Variants in PHB1 observed in about 807,000 individuals in gnomAD.
The protein encoded by PHB1 is prohibitin 1, also known as epididymis luminal protein 215.
At chr17:49,406,610 T>C in the PHB1 span, 7 of 670,608 alleles carry the variant, frequency 1.0e-5, no homozygotes, top group South Asian at 6.7e-5. Flanking sequence ...CTGGAACCAA[T>C]TGCAGAAGTA....
the PHB1 span, among the ~76,000 whole-genome samples, chr17:49,413,512 C>T: frequency 0.42 from 52,223 of 124,594 alleles, 10,207 homozygotes; most frequent in African/African-American, 0.57. Context: ...CTTTTCTTTC[C>T]TTTTTTTTTT....
chr17:49,409,346 G>A, the PHB1 span: 95 of 1,614,160 alleles, frequency 5.9e-5, 1 homozygote, highest in South Asian at 1.0e-3. Flanking sequence ...CTGACTTGAG[G>A]ATCTCAGTTG....
chr17:49,406,734 T>C, the PHB1 span: 1 of 1,541,632 alleles, frequency 6.5e-7, no homozygotes, highest in Non-Finnish European at 9.0e-7. Flanking sequence ...AGAGAGAGGC[T>C]CCTGCCATCT....
chr17:49,404,798 T>C, the PHB1 span: 68 of 595,574 alleles, frequency 1.1e-4, no homozygotes, highest in African/African-American at 1.1e-3. Context: ...AGTAGATGGA[T>C]GTGAGAAGAA....
At chr17:49,412,528 C>T in the PHB1 span, among the ~76,000 whole-genome samples, 3 of 152,170 alleles carry the variant, frequency 2.0e-5, no homozygotes, top group Non-Finnish European at 4.4e-5. Flanking sequence ...AGCCACACAC[C>T]GGATGGGTCA....
At chr17:49,414,505 C>G in the PHB1 span, among the ~76,000 whole-genome samples, 3 of 152,094 alleles carry the variant, frequency 2.0e-5, no homozygotes, top group African/African-American at 7.2e-5. Context: ...GTTGCCCGCT[C>G]CAGTCTCAAA....
the PHB1 span, among the ~76,000 whole-genome samples, chr17:49,408,282 C>A: frequency 6.6e-6 from 1 of 152,134 alleles, no homozygotes; most frequent in African/African-American, 2.4e-5. Context: ...GCACAGATGC[C>A]GGGGGAGGCA....
the PHB1 span, among the ~76,000 whole-genome samples, chr17:49,413,593 C>T: frequency 6.6e-6 from 1 of 150,558 alleles, no homozygotes; most frequent in African/African-American, 2.4e-5. Context: ...ACTGAAGCCT[C>T]GACCTCCCAG....
chr17:49,406,973 C>T, the PHB1 span: 6 of 719,770 alleles, frequency 8.3e-6, no homozygotes, highest in African/African-American at 1.7e-5. Flanking sequence ...TGGAGGCATC[C>T]GTGAGGCCAG....
the PHB1 span, among the ~76,000 whole-genome samples, chr17:49,411,077 A>T: frequency 6.6e-6 from 1 of 152,132 alleles, no homozygotes; most frequent in African/African-American, 2.4e-5. Context: ...TAATACCTAC[A>T]ACTCCCTGAT....
the PHB1 span, chr17:49,407,112 G>T: frequency 2.2e-6 from 1 of 461,784 alleles, no homozygotes; most frequent in Non-Finnish European, 4.0e-6. Flanking sequence ...ATGGCACCGG[G>T]GGCTTTTGAT....
the PHB1 span, chr17:49,414,644 C>T: frequency 6.6e-6 from 1 of 152,234 alleles, no homozygotes; most frequent in Non-Finnish European, 1.5e-5. Context: ...TGGATTATTC[C>T]TCACCCTGCC....
At chr17:49,413,779 G>A in the PHB1 span, among the ~76,000 whole-genome samples, 2 of 152,082 alleles carry the variant, frequency 1.3e-5, no homozygotes, top group East Asian at 1.9e-4. Flanking sequence ...CAAGTGTTGG[G>A]ATTACAGGCA....
the PHB1 span, among the ~76,000 whole-genome samples, chr17:49,406,432 C>A: frequency 6.6e-6 from 1 of 152,200 alleles, no homozygotes; most frequent in Non-Finnish European, 1.5e-5. Flanking sequence ...TCAGCTTTCA[C>A]TATGTAACTA....
At chr17:49,410,132 C>T in the PHB1 span, among the ~76,000 whole-genome samples, 1 of 152,150 alleles carries the variant, frequency 6.6e-6, no homozygotes, top group Non-Finnish European at 1.5e-5. Context: ...ATCCAACTGC[C>T]TCAGCCTCCC....
At chr17:49,410,308 C>T in the PHB1 span, among the ~76,000 whole-genome samples, 1 of 152,182 alleles carries the variant, frequency 6.6e-6, no homozygotes, top group Admixed American at 6.5e-5. Flanking sequence ...CTGTGCCTGG[C>T]TCCAAATTTG....
chr17:49,406,594 A>G, the PHB1 span, among the ~76,000 whole-genome samples: 1 of 152,218 alleles, frequency 6.6e-6, no homozygotes, highest in Non-Finnish European at 1.5e-5. Context: ...CTAGCCCCTG[A>G]AGACTCTGGA....
the PHB1 span, chr17:49,409,022 G>C: frequency 6.7e-7 from 1 of 1,484,120 alleles, no homozygotes; most frequent in Non-Finnish European, 9.2e-7. Context: ...TCCCCTCCTC[G>C]GTCTCCCGAA....
the PHB1 span, chr17:49,411,560 A>T: frequency 3.6e-6 from 3 of 844,884 alleles, no homozygotes; most frequent in Middle Eastern, 3.4e-4. Context: ...AGTCATTCCT[A>T]TGATGTACAG....
Sources: allele counts gnomAD v4.1 joint callset (sites outside exome capture counted in the v4.1 genomes callset), GRCh38; gene constraint gnomAD v4.1.1; transcripts MANE v1.5; gene names NCBI Gene and HGNC (gene_info 2026-07-23, HGNC 2026-07-21).